Variants in SMYD3 observed in about 807,000 individuals in gnomAD.
The protein encoded by SMYD3 is SET and MYND domain containing 3, also known as histone-lysine N-methyltransferase SMYD3.
SMYD3 carries 36 observed loss-of-function variants against 57.7 expected under a neutral mutation model. The observed-to-expected ratio is 0.62, with a 90% confidence interval of 0.48 to 0.82. SMYD3 has a LOEUF of 0.82. Among genes scored for constraint, SMYD3 ranks in the 40% least tolerant of loss-of-function variants. The pLI, the probability that SMYD3 is intolerant of heterozygous loss-of-function variation, is 0.00. For missense variants in SMYD3, 515 were observed against 538.8 expected, an observed-to-expected ratio of 0.96 and a Z score of 0.44; for synonymous variants, 211 against 195.0, an observed-to-expected ratio of 1.08 and a Z score of -0.68.
chr1:245,806,857 C>T (rs1040358272), intron 10 of SMYD3, among the ~76,000 whole-genome samples: 17 of 136,956 alleles, frequency 1.2e-4, no homozygotes, highest in Non-Finnish European at 2.0e-4. Flanking sequence ...TTGCAGTGAG[C>T]CGAGATCGCG....
At chr1:246,489,767 G>A (rs1000907411) in intron 1 of SMYD3, among the ~76,000 whole-genome samples, 1 of 152,138 alleles carries the variant, frequency 6.6e-6, no homozygotes, top group African/African-American at 2.4e-5. Context: ...CTGTACGTAA[G>A]CCAAGGTAGA....
intron 5 of SMYD3, among the ~76,000 whole-genome samples, chr1:246,224,598 G>T (rs368994475): frequency 1.3e-5 from 2 of 151,750 alleles, no homozygotes; most frequent in African/African-American, 2.4e-5. Flanking sequence ...CATTGTGGGC[G>T]CCACTGAGAA....
intron 5 of SMYD3, among the ~76,000 whole-genome samples, chr1:246,081,334 T>C (rs529135370): frequency 6.6e-6 from 1 of 152,358 alleles, no homozygotes; most frequent in South Asian, 2.1e-4. Context: ...GTTTACAAAC[T>C]GTGAGACTGC....
chr1:246,425,554 T>C (rs991274258), intron 1 of SMYD3, among the ~76,000 whole-genome samples: 1 of 152,198 alleles, frequency 6.6e-6, no homozygotes, highest in Non-Finnish European at 1.5e-5. Flanking sequence ...AAACCAGAGC[T>C]GGACAAGAGT....
At chr1:246,251,530 G>C (rs879306215) in intron 5 of SMYD3, among the ~76,000 whole-genome samples, 1 of 99,390 alleles carries the variant, frequency 1.0e-5, no homozygotes. Context: ...CCCGGCTTTA[G>C]TAGGTGCCGC....
intron 11 of SMYD3, among the ~76,000 whole-genome samples, chr1:245,750,936 C>A (rs1278761873): frequency 1.3e-5 from 2 of 152,208 alleles, no homozygotes; most frequent in East Asian, 3.9e-4. Flanking sequence ...AGACCCTGCA[C>A]ATCAACAGCT....
At chr1:245,915,681 G>A in intron 7 of SMYD3, 41 bp from the exon 8 acceptor site, 5 of 1,283,530 alleles carry the variant, frequency 3.9e-6, no homozygotes, top group Non-Finnish European at 5.6e-6. Context: ...AACATCTGCT[G>A]TGCTCATTTC....
intron 1 of SMYD3, among the ~76,000 whole-genome samples, chr1:246,384,481 C>T (rs536870103): frequency 1.6e-4 from 25 of 152,110 alleles, no homozygotes; most frequent in Admixed American, 1.4e-3. Flanking sequence ...CTGCAACCTC[C>T]GCCACCCGGA....
At chr1:246,060,198 G>A (rs2060226712) in intron 5 of SMYD3, among the ~76,000 whole-genome samples, 1 of 152,076 alleles carries the variant, frequency 6.6e-6, no homozygotes, top group Non-Finnish European at 1.5e-5. Context: ...TGAGATGGGA[G>A]GATGGCTTGA....
At chr1:245,890,908 C>T (rs1441496149) in intron 8 of SMYD3, among the ~76,000 whole-genome samples, 3 of 152,218 alleles carry the variant, frequency 2.0e-5, no homozygotes, top group Non-Finnish European at 4.4e-5. Context: ...GAGATCCTAT[C>T]ACTTGCAACA....
At chr1:246,499,217 T>C (rs935496337) in intron 1 of SMYD3, among the ~76,000 whole-genome samples, 5 of 151,482 alleles carry the variant, frequency 3.3e-5, no homozygotes, top group African/African-American at 4.9e-5. Context: ...GGCAGGACAA[T>C]CGCTTGAACC....
intron 7 of SMYD3, among the ~76,000 whole-genome samples, chr1:245,927,431 A>T: frequency 6.6e-6 from 1 of 152,204 alleles, no homozygotes. Context: ...TCAAGTCCCA[A>T]TGTCAGCCTG....
At chr1:245,961,423 A>C (rs753902410) in intron 5 of SMYD3, among the ~76,000 whole-genome samples, 1 of 152,040 alleles carries the variant, frequency 6.6e-6, no homozygotes, top group Non-Finnish European at 1.5e-5. Flanking sequence ...TCACCCTTTC[A>C]CCCTAAAATA....
At chr1:245,821,635 G>A (rs12033665) in intron 10 of SMYD3, among the ~76,000 whole-genome samples, 13,307 of 139,684 alleles carry the variant, frequency 0.095, 646 homozygotes, top group East Asian at 0.21. Flanking sequence ...GAAAATTTTT[G>A]CAACCTACTC....
At position 246,355,305 on chromosome 1, in the gene SMYD3, T is replaced by C; in HGVS notation, c.165-211A>G. 1 of 529,320 alleles carries C rather than the reference T, an allele frequency of 1.9e-6. No individual in the cohort carries two copies. The highest frequency in any genetic ancestry group is 2.3e-5 in the South Asian group (1 of 43,874). 32.8% of individuals were successfully genotyped at this position (529,320 alleles called of 1,614,324 possible). A position where few individuals can be genotyped will look rare whatever the true frequency, so the allele number is the denominator to read the frequency against. On this transcript the variant is annotated intron_variant, in intron 1 of 11. Transcript: ENST00000490107. The surrounding 1 kb of genome is among the most constrained non-coding windows in gnomAD (Gnocchi z 5.0). The stretch of plus-strand genomic sequence containing the variant: ...GATAGAAAAACTAAGTCCTTTTGTC[T>C]GACAGAAGATGGCGGGGAAGAGGCA...
intron 1 of SMYD3, among the ~76,000 whole-genome samples, chr1:246,385,912 T>C (rs904637885): frequency 6.6e-6 from 1 of 152,026 alleles, no homozygotes; most frequent in East Asian, 1.9e-4. Context: ...CCTTTTTTTT[T>C]TTCCGCCACT....
At chr1:245,764,001 G>T in intron 11 of SMYD3, 40 bp downstream of exon 11, 1 of 1,495,418 alleles carries the variant, frequency 6.7e-7, no homozygotes, top group Non-Finnish European at 9.3e-7. Context: ...CAGAAAAAAA[G>T]GATGCCAGGC....
At chr1:246,472,853 CTTTTTT>C (rs74163449) in intron 1 of SMYD3, among the ~76,000 whole-genome samples, 4 of 102,910 alleles carry the variant, frequency 3.9e-5, no homozygotes, top group Non-Finnish European at 7.8e-5. Context: ...TCTCAAATTT[CTTTTTT>C]TTTTTTTTTT....
At chr1:246,286,351 C>T (rs1016886970) in intron 5 of SMYD3, among the ~76,000 whole-genome samples, 2 of 151,594 alleles carry the variant, frequency 1.3e-5, no homozygotes, top group African/African-American at 4.9e-5. Flanking sequence ...TTTTTTTAAT[C>T]TGACAAATCA....
Sources: allele counts gnomAD v4.1 joint callset (sites outside exome capture counted in the v4.1 genomes callset), GRCh38; gene constraint gnomAD v4.1.1; non-coding constraint Gnocchi (gnomAD v3.1); transcripts MANE v1.5; gene names NCBI Gene and HGNC (gene_info 2026-07-23, HGNC 2026-07-21).